Variants in VTI1A observed in about 807,000 individuals in gnomAD.
VTI1A encodes the protein vesicle transport through interaction with t-SNAREs 1A.
A neutral mutation model predicts 34.9 loss-of-function variants in VTI1A; 22 were observed. The observed-to-expected ratio is 0.63, with a 90% CI of 0.45 to 0.90. VTI1A has a LOEUF of 0.90. Ranked by LOEUF, VTI1A falls within the 40% of genes least tolerant of loss-of-function variation. The pLI is 0.00. For synonymous variants in VTI1A, 87 were observed against 97.3 expected (o/e 0.89, Z 0.62); for missense variants, 268 against 275.6 (o/e 0.97, Z 0.20).
chr10:112,820,858 G>C (rs1378814641), downstream of VTI1A, among the ~76,000 whole-genome samples: 3 of 152,194 alleles, frequency 2.0e-5, no homozygotes, highest in Admixed American at 2.0e-4. Context: ...GTAGCAGAGG[G>C]TGGACAGGTG....
chr10:112,736,017 CAT>C (rs963402467), intron 7 of VTI1A, among the ~76,000 whole-genome samples: 9 of 144,792 alleles, frequency 6.2e-5, no homozygotes, highest in African/African-American at 1.3e-4. Flanking sequence ...TATTTTAAAA[CAT>C]ATTTTATATT....
intron 5 of VTI1A, among the ~76,000 whole-genome samples, chr10:112,592,034 G>A (rs1057127904): frequency 9.2e-5 from 14 of 152,188 alleles, no homozygotes; most frequent in Admixed American, 7.9e-4. Flanking sequence ...ACAATGTGAC[G>A]TGGAAGGTAG....
At chr10:112,645,984 AG>A (rs1191705700) in intron 5 of VTI1A, among the ~76,000 whole-genome samples, 1 of 145,580 alleles carries the variant, frequency 6.9e-6, no homozygotes, top group Non-Finnish European at 1.5e-5. Context: ...ATGTAGTGCC[AG>A]GGATGGGGAG....
At chr10:112,717,634 C>T (rs190073299) in intron 7 of VTI1A, among the ~76,000 whole-genome samples, 323 of 152,228 alleles carry the variant, frequency 2.1e-3, no homozygotes, top group Non-Finnish European at 3.0e-3. Flanking sequence ...GCCCAGGGCA[C>T]CTAAGGTGAG....
At chr10:112,723,387 A>G (rs1044427799) in intron 7 of VTI1A, among the ~76,000 whole-genome samples, 5 of 152,328 alleles carry the variant, frequency 3.3e-5, no homozygotes, top group Admixed American at 6.5e-5. Flanking sequence ...AATGTTTTGC[A>G]TCGGACTTTT....
chr10:112,736,713 C>T (rs1850489650), intron 7 of VTI1A: 1 of 1,551,658 alleles, frequency 6.4e-7, no homozygotes, highest in Admixed American at 2.0e-5. Context: ...TTTCTCTTCA[C>T]TGTTCACAGG....
At chr10:112,656,061 A>C (rs1847217490) in intron 5 of VTI1A, among the ~76,000 whole-genome samples, 1 of 152,208 alleles carries the variant, frequency 6.6e-6, no homozygotes, top group Non-Finnish European at 1.5e-5. Flanking sequence ...GAAGAACTCA[A>C]AAAATTACCA....
intron 5 of VTI1A, among the ~76,000 whole-genome samples, chr10:112,573,266 A>G (rs1328753223): frequency 6.6e-6 from 1 of 152,294 alleles, no homozygotes; most frequent in South Asian, 2.1e-4. Flanking sequence ...CTTGTATGCT[A>G]TCTGCTCTAT....
chr10:112,593,268 AG>A (rs1250388313), intron 5 of VTI1A, among the ~76,000 whole-genome samples: 3 of 152,226 alleles, frequency 2.0e-5, no homozygotes, highest in African/African-American at 7.2e-5. Flanking sequence ...GGTCGGGTGT[AG>A]GCATCAATAT....
intron 5 of VTI1A, among the ~76,000 whole-genome samples, chr10:112,602,801 T>C (rs1844926752): frequency 6.6e-6 from 1 of 152,230 alleles, no homozygotes. Context: ...TATTTTAATT[T>C]TGTAAACACT....
intron 5 of VTI1A, among the ~76,000 whole-genome samples, chr10:112,546,710 C>T (rs1362273568): frequency 6.6e-6 from 1 of 152,062 alleles, no homozygotes; most frequent in Admixed American, 6.6e-5. Context: ...ATCACAATTT[C>T]CTGCATATCT....
At chr10:112,653,235 C>T (rs945113781) in intron 5 of VTI1A, among the ~76,000 whole-genome samples, 1 of 152,176 alleles carries the variant, frequency 6.6e-6, no homozygotes, top group Non-Finnish European at 1.5e-5. Flanking sequence ...AGGAAGTCAG[C>T]GAGAATCAGC....
At chr10:112,683,127 G>A (rs891360099) in intron 7 of VTI1A, among the ~76,000 whole-genome samples, 1 of 152,166 alleles carries the variant, frequency 6.6e-6, no homozygotes, top group Non-Finnish European at 1.5e-5. Flanking sequence ...TTTCAACATT[G>A]GAGATGCTAT....
chr10:112,621,153 G>A (rs150564028), intron 5 of VTI1A, among the ~76,000 whole-genome samples: 20 of 152,298 alleles, frequency 1.3e-4, no homozygotes, highest in Middle Eastern at 3.4e-3. Flanking sequence ...CTACATGTAA[G>A]GACTTACAGC....
chr10:112,845,417 C>T, the VTI1A span, among the ~76,000 whole-genome samples: 2 of 152,226 alleles, frequency 1.3e-5, no homozygotes, highest in Non-Finnish European at 2.9e-5. Context: ...ACCTGTCTCA[C>T]CTGTTCTCTG....
At chr10:112,470,493 GCA>G (rs1015559084) in intron 3 of VTI1A, among the ~76,000 whole-genome samples, 2 of 152,198 alleles carry the variant, frequency 1.3e-5, no homozygotes, top group Admixed American at 1.3e-4. Context: ...AGGAAGGCAA[GCA>G]AAGGTTGTCT....
chr10:112,770,292 G>A (rs1851768744), intron 7 of VTI1A, among the ~76,000 whole-genome samples: 1 of 152,172 alleles, frequency 6.6e-6, no homozygotes, highest in South Asian at 2.1e-4. Context: ...CTGTATGAAA[G>A]TGTTAAACTC....
intron 7 of VTI1A, among the ~76,000 whole-genome samples, chr10:112,738,206 G>A (rs1850567084): frequency 6.6e-6 from 1 of 152,096 alleles, no homozygotes; most frequent in South Asian, 2.1e-4. Context: ...ACCATCCCTG[G>A]CGAGCACCCC....
At chr10:112,763,258 G>T (rs888395995) in intron 7 of VTI1A, among the ~76,000 whole-genome samples, 3 of 152,138 alleles carry the variant, frequency 2.0e-5, no homozygotes, top group South Asian at 4.2e-4. Context: ...GGCTAACACG[G>T]TGAAACCCTG....
Sources: gnomAD v4.1 joint callset for allele counts (sites outside exome capture counted in the v4.1 genomes callset) on GRCh38, gnomAD v4.1.1 for gene constraint, MANE v1.5 for transcripts, NCBI Gene and HGNC (gene_info 2026-07-23, HGNC 2026-07-21) for gene names.